The following ITGAV variants were observed in gnomAD, a reference collection of about 807,000 sequenced individuals.
ITGAV encodes the protein integrin subunit alpha V.
ITGAV carries 76 observed loss-of-function variants against 143.8 expected under a neutral mutation model. That is an observed-to-expected ratio of 0.53 (90% CI 0.44 to 0.64). The LOEUF is 0.64. Among genes scored for constraint, ITGAV ranks in the 30% least tolerant of loss-of-function variants. The pLI is 0.00. For missense variants in ITGAV, 1,193 were observed against 1,274.7 expected (o/e 0.94, Z 0.98); for synonymous variants, 453 against 446.7 (o/e 1.01, Z -0.18).
At chr2:186,670,331 C>T (rs753251115) in intron 26 of ITGAV, among the ~76,000 whole-genome samples, 74 of 152,056 alleles carry the variant, frequency 4.9e-4, no homozygotes, top group Non-Finnish European at 8.8e-4. Context: ...CACAGAGCCT[C>T]ACTTTGTCAC....
At chr2:186,675,982 A>AT in intron 28 of ITGAV, 55 bp downstream of exon 28, 1 of 955,814 alleles carries the variant, frequency 1.0e-6, no homozygotes, top group South Asian at 1.4e-5. Context: ...AATGCTGTAC[A>AT]TGTTTTTATT....
intron 12 of ITGAV, among the ~76,000 whole-genome samples, chr2:186,645,937 A>C (rs150207788): frequency 3.3e-5 from 5 of 152,150 alleles, no homozygotes; most frequent in African/African-American, 1.2e-4. Flanking sequence ...GTGCCACTGC[A>C]CTCCAGCCTG....
At chr2:186,598,294 T>TACACACACAC (rs56789925) in intron 1 of ITGAV, among the ~76,000 whole-genome samples, 3,444 of 147,924 alleles carry the variant, frequency 0.023, 57 homozygotes, top group African/African-American at 0.046. Context: ...TTATAATTTA[T>TACACACACAC]ACACACACAC....
At chr2:186,655,830 A>G (rs1688567631) in intron 16 of ITGAV, among the ~76,000 whole-genome samples, 1 of 152,220 alleles carries the variant, frequency 6.6e-6, no homozygotes, top group African/African-American at 2.4e-5. Context: ...AGTGTTTAAT[A>G]TGATGGTATG....
intron 2 of ITGAV, among the ~76,000 whole-genome samples, chr2:186,616,516 G>A (rs971515267): frequency 3.1e-4 from 47 of 151,858 alleles, no homozygotes; most frequent in South Asian, 1.0e-3. Flanking sequence ...CTGACCTCGT[G>A]ATCCGCCCGC....
Position 186,630,813 on chromosome 2 carries a change from T to A in ITGAV, c.540T>A (p.Asp180Glu). Residue 180 changes from aspartate (D) to glutamate (E), a missense_variant, in exon 5 of 30, where the codon GAT becomes GAA. Physicochemically the swap from Asp to Glu is conservative, Grantham distance 45. Coordinates refer to ENST00000261023, the MANE Select transcript of ITGAV (RefSeq NM_002210.5). ...APCRSQDIDADGQGFCQGGFS... is the reference protein window; with the variant it reads ...APCRSQDIDAEGQGFCQGGFS... ...TTATTTTAGAAGATATTGATGCTGA[T>A]GGACAGGGATTTTGTCAAGGAGGAT... is the stretch of plus-strand genomic sequence containing the variant. The A allele has an allele frequency of 1.9e-6, 3 of 1,583,652 alleles. No homozygotes were observed. Among genetic ancestry groups the A allele is most frequent in the Non-Finnish European group, 1.7e-6 (2 of 1,154,154 alleles).
In ITGAV at chr2:186,637,157, G is replaced by A. The variant is rs764458346; in HGVS notation, c.802+48G>A. ...CTAATCTTTAAAAAAATTAGATTAAGTATTTGAAACATGTGGCATTGAAAA... is the reference window on the plus strand; with the variant it reads ...CTAATCTTTAAAAAAATTAGATTAAATATTTGAAACATGTGGCATTGAAAA... On this transcript the variant is annotated intron_variant, in intron 8 of 29. Transcript: ENST00000261023. 94 of 1,490,686 alleles carry A rather than the reference G, an allele frequency of 6.3e-5. No individual in the cohort carries two copies. The South Asian group carries it at 1.0e-3, about 16-fold the overall frequency. 92.3% of individuals were successfully genotyped at this position (1,490,686 alleles called of 1,614,324 possible). A position where few individuals can be genotyped will look rare whatever the true frequency, so the allele number is the denominator to read the frequency against.
chr2:186,673,615 A>G (rs377589488), intron 26 of ITGAV, among the ~76,000 whole-genome samples: 1 of 151,932 alleles, frequency 6.6e-6, no homozygotes, highest in African/African-American at 2.4e-5. Flanking sequence ...CACATCCTTG[A>G]TTATGTGATT....
chr2:186,621,514 G>A (rs1687519257), intron 2 of ITGAV, among the ~76,000 whole-genome samples: 1 of 151,958 alleles, frequency 6.6e-6, no homozygotes, highest in Non-Finnish European at 1.5e-5. Flanking sequence ...TCCCAATAAA[G>A]TCCTTTGTAA....
rs549800160 is a variant in ITGAV at position 186,656,868 on chromosome 2, C to T, written c.1719+467C>T. On this transcript the variant is annotated intron_variant, in intron 17 of 29. Transcript: ENST00000261023. ...AGTTGTATAAGGCTAAGTGTTCTTA[C>T]GACAGAGGTGCATTCTGATTCCAGC... Among the ~76,000 whole-genome samples, 35 of 152,206 alleles carry T rather than the reference C, an allele frequency of 2.3e-4. 1 individual carries two copies. The highest frequency in any genetic ancestry group is 6.7e-4 in the African/African-American group (28 of 41,536).
chr2:186,641,669 T>G (rs1172157337), intron 12 of ITGAV, 81 bp downstream of exon 12: 1 of 1,114,706 alleles, frequency 9.0e-7, no homozygotes, highest in African/African-American at 1.5e-5. Flanking sequence ...TCTGTAGAAG[T>G]CTACACGAGC....
intron 1 of ITGAV, among the ~76,000 whole-genome samples, chr2:186,599,988 CCTCTCCCTTAATG>C (rs1686853100): frequency 6.6e-6 from 1 of 152,128 alleles, no homozygotes; most frequent in South Asian, 2.1e-4. Flanking sequence ...TTTTTTTCTC[CCTCTCCCTTAATG>C]CTTTCCCCAT....
At chr2:186,598,716 A>G (rs1205016029) in intron 1 of ITGAV, among the ~76,000 whole-genome samples, 8 of 152,180 alleles carry the variant, frequency 5.3e-5, no homozygotes, top group Admixed American at 2.6e-4. Context: ...GGCATGAGCC[A>G]CTGTGCCCAA....
chr2:186,680,868 G>A lies in ITGAV; in HGVS notation c.*3576G>A, dbSNP rs1270561959. 2 of 152,582 alleles carry A rather than the reference G, an allele frequency of 1.3e-5. No individual in the cohort carries two copies. Among genetic ancestry groups the A allele is most frequent in the East Asian group, 3.8e-4 (2 of 5,198 alleles). The allele number at this position is 152,582 out of a possible 1,614,324, so 9.5% of individuals were successfully genotyped here. A position where few individuals can be genotyped will look rare whatever the true frequency, so the allele number is the denominator to read the frequency against. On this transcript the variant is annotated 3_prime_UTR_variant, in exon 30 of 30. Coordinates refer to ENST00000261023, the MANE Select transcript of ITGAV (RefSeq NM_002210.5). Reference sequence around the variant, plus strand: ...CTGCTTGATTTACAACATGTAACTTGTGACTGTACAATAAACATAAGCATA... The same window carrying A: ...CTGCTTGATTTACAACATGTAACTTATGACTGTACAATAAACATAAGCATA...
intron 21 of ITGAV, among the ~76,000 whole-genome samples, chr2:186,665,483 A>G (rs142949958): frequency 5.9e-5 from 9 of 152,296 alleles, no homozygotes; most frequent in Admixed American, 5.9e-4. Context: ...GGTTTAAACT[A>G]AGGACTGAAA....
chr2:186,616,210 A>G (rs978396876), intron 2 of ITGAV, among the ~76,000 whole-genome samples: 2 of 152,022 alleles, frequency 1.3e-5, no homozygotes, highest in African/African-American at 4.8e-5. Flanking sequence ...ACTATTGTAC[A>G]CATTCAGATT....
chr2:186,652,172 G>C (rs1019260628), intron 15 of ITGAV, 83 bp downstream of exon 15: 2 of 825,636 alleles, frequency 2.4e-6, no homozygotes, highest in Admixed American at 4.6e-5. Flanking sequence ...AGGTGGTAGG[G>C]CTGAAATATT....
chr2:186,668,508 G>C, intron 24 of ITGAV: 1 of 349,040 alleles, frequency 2.9e-6, no homozygotes, highest in Non-Finnish European at 5.2e-6. Flanking sequence ...CAAAGTGCTG[G>C]GATTACAGGC....
intron 2 of ITGAV, among the ~76,000 whole-genome samples, chr2:186,604,701 T>G (rs1162475318): frequency 4.0e-5 from 6 of 151,804 alleles, no homozygotes; most frequent in Non-Finnish European, 7.3e-5. Context: ...TAATTTGCAT[T>G]TCTTTAATTA....
Sources: allele counts gnomAD v4.1 joint callset (sites outside exome capture counted in the v4.1 genomes callset), GRCh38; gene constraint gnomAD v4.1.1; transcripts MANE v1.5; gene names NCBI Gene and HGNC (gene_info 2026-07-23, HGNC 2026-07-21).